Variants in SLC9D1 observed in about 807,000 individuals in gnomAD.
SLC9D1 encodes solute carrier family 9 member D1.
chr13:113,549,273 T>A, the SLC9D1 span: 4 of 825,544 alleles, frequency 4.8e-6, no homozygotes, highest in Non-Finnish European at 7.5e-6. Flanking sequence ...CGTGCAGGCA[T>A]CCCTCCCAGC....
chr13:113,517,364 C>CT, the SLC9D1 span, among the ~76,000 whole-genome samples: 1 of 152,112 alleles, frequency 6.6e-6, no homozygotes, highest in Non-Finnish European at 1.5e-5. Flanking sequence ...TCCCGAGTAG[C>CT]TGGGACTACA....
At chr13:113,495,852 T>C in the SLC9D1 span, 22 of 1,614,042 alleles carry the variant, frequency 1.4e-5, no homozygotes, top group African/African-American at 2.7e-5. Context: ...AGAGAAACTG[T>C]TTCAGGTGCA....
At chr13:113,533,111 A>G in the SLC9D1 span, among the ~76,000 whole-genome samples, 1 of 43,196 alleles carries the variant, frequency 2.3e-5, no homozygotes, top group Non-Finnish European at 4.3e-5. Context: ...CCTCCCTCCT[A>G]CTGAAGTCGC....
chr13:113,495,749 G>A, the SLC9D1 span: 4 of 1,613,948 alleles, frequency 2.5e-6, no homozygotes, highest in African/African-American at 2.7e-5. Flanking sequence ...GCTGCAGGAA[G>A]CTCTCAGGGC....
At chr13:113,525,657 T>C in the SLC9D1 span, among the ~76,000 whole-genome samples, 1 of 149,858 alleles carries the variant, frequency 6.7e-6, no homozygotes, top group African/African-American at 2.5e-5. Context: ...CAAGCCATCG[T>C]CATCATAGGA....
chr13:113,509,315 A>C, the SLC9D1 span, among the ~76,000 whole-genome samples: 3 of 79,670 alleles, frequency 3.8e-5, no homozygotes, highest in Admixed American at 1.4e-4. Flanking sequence ...CTGTGTTAGG[A>C]TGGCAGGCTT....
chr13:113,493,366 C>T, the SLC9D1 span, among the ~76,000 whole-genome samples: 389 of 152,304 alleles, frequency 2.6e-3, 1 homozygote, highest in African/African-American at 8.8e-3. Context: ...CAAAGCATCT[C>T]AGATTTCTGT....
At chr13:113,533,963 G>GA in the SLC9D1 span, 1 of 1,100,236 alleles carries the variant, frequency 9.1e-7, no homozygotes, top group Non-Finnish European at 1.3e-6. Context: ...GCATGTTAAA[G>GA]AAAAAAACTG....
At chr13:113,543,115 A>ACCACCTCCTCCCCCTGCCCCCC in the SLC9D1 span, among the ~76,000 whole-genome samples, 3 of 41,532 alleles carry the variant, frequency 7.2e-5, no homozygotes, top group African/African-American at 3.6e-4. Flanking sequence ...CCCTGCCCCC[A>ACCACCTCCTCCCCCTGCCCCCC]GCCCTCCCTG....
chr13:113,495,608 C>T, the SLC9D1 span: 1 of 1,549,020 alleles, frequency 6.5e-7, no homozygotes, highest in Non-Finnish European at 8.7e-7. Flanking sequence ...GAAGCTTCTT[C>T]TGGGTGCTGT....
the SLC9D1 span, chr13:113,491,146 G>A: frequency 6.6e-6 from 1 of 152,558 alleles, no homozygotes; most frequent in South Asian, 2.1e-4. Flanking sequence ...AAGCCCTCCG[G>A]CGCTGCGCTC....
the SLC9D1 span, chr13:113,520,398 C>T: frequency 2.7e-6 from 1 of 371,540 alleles, no homozygotes; most frequent in African/African-American, 2.1e-5. Flanking sequence ...GCAGGAGAAT[C>T]ACTTGAACCC....
At chr13:113,540,112 C>T in the SLC9D1 span, among the ~76,000 whole-genome samples, 1 of 152,150 alleles carries the variant, frequency 6.6e-6, no homozygotes, top group East Asian at 1.9e-4. Context: ...TTTATCTGGT[C>T]CACGGTTGAT....
At chr13:113,512,021 G>A in the SLC9D1 span, 2 of 145,998 alleles carry the variant, frequency 1.4e-5, no homozygotes, top group African/African-American at 2.6e-5. Flanking sequence ...CGCGGGGGCC[G>A]GGACTGGAGA....
chr13:113,497,919 G>A, the SLC9D1 span, among the ~76,000 whole-genome samples: 1 of 152,162 alleles, frequency 6.6e-6, no homozygotes, highest in African/African-American at 2.4e-5. Context: ...ATGTGTTTTG[G>A]AACAGCTTTC....
At chr13:113,537,613 C>T in the SLC9D1 span, among the ~76,000 whole-genome samples, 2 of 152,216 alleles carry the variant, frequency 1.3e-5, no homozygotes, top group Admixed American at 6.5e-5. Flanking sequence ...TCAGCATCAT[C>T]GCTTATGAAT....
At chr13:113,548,035 C>CG in the SLC9D1 span, among the ~76,000 whole-genome samples, 388 of 20,654 alleles carry the variant, frequency 0.019, 3 homozygotes, top group East Asian at 0.13. Flanking sequence ...GGGGCGGGGG[C>CG]GGGGGGGCTT....
the SLC9D1 span, among the ~76,000 whole-genome samples, chr13:113,492,973 T>G: frequency 6.6e-6 from 1 of 152,198 alleles, no homozygotes; most frequent in Non-Finnish European, 1.5e-5. Context: ...CAGCTAAAGA[T>G]GTTTACTAAT....
chr13:113,502,495 G>A, the SLC9D1 span, among the ~76,000 whole-genome samples: 1 of 152,180 alleles, frequency 6.6e-6, no homozygotes, highest in Non-Finnish European at 1.5e-5. Flanking sequence ...TTACAGGCAT[G>A]AGCCACCCTG....
Sources: gnomAD v4.1 joint callset for allele counts (sites outside exome capture counted in the v4.1 genomes callset) on GRCh38, gnomAD v4.1.1 for gene constraint, MANE v1.5 for transcripts, NCBI Gene and HGNC (gene_info 2026-07-23, HGNC 2026-07-21) for gene names.